The following ARHGEF18 variants were observed in gnomAD, a reference collection of about 807,000 sequenced individuals.
ARHGEF18 encodes rho guanine nucleotide exchange factor 18.
Under a neutral mutation model 155.7 loss-of-function variants are expected in ARHGEF18, and 93 were observed. That is an observed-to-expected ratio of 0.60 (90% confidence interval 0.50 to 0.71). The LOEUF (loss-of-function observed/expected upper bound fraction) is 0.71, where lower values mean the gene tolerates loss of function less well. ARHGEF18 is among the 30% of genes least tolerant of loss of function. The probability of loss-of-function intolerance (pLI) is 0.00; values close to 1 mark genes in which losing one functional copy is unlikely to be tolerated. For missense variants in ARHGEF18, 1,593 were observed against 1,816.1 expected, an observed-to-expected ratio of 0.88 and a Z score of 2.23; for synonymous variants, 742 against 753.1, an observed-to-expected ratio of 0.99 and a Z score of 0.24.
chr19:7,387,492 G>A lies in ARHGEF18; in HGVS notation c.967+4289G>A, dbSNP rs538935201. Among the ~76,000 whole-genome samples the A allele has an allele frequency of 7.9e-5, 12 of 152,122 alleles. No homozygotes were observed. The South Asian group carries it at 2.5e-3, about 32-fold the overall frequency. On this transcript the variant is annotated intron_variant, in intron 10 of 28. Coordinates refer to ENST00000668164, the MANE Select transcript of ARHGEF18 (RefSeq NM_001367823.1). The stretch of plus-strand genomic sequence containing the variant: ...TGAGTTTTTTTGTTTGTTTGCATAC[G>A]CTGAAAGCTAAGAATGGGGTGGGTT...
downstream of ARHGEF18, among the ~76,000 whole-genome samples, chr19:7,475,613 C>T (rs1977212401): frequency 6.6e-6 from 1 of 152,170 alleles, no homozygotes; most frequent in Non-Finnish European, 1.5e-5. Flanking sequence ...CTGGAAGCAT[C>T]CAACCTGTCT....
chr19:7,461,750 T>C (rs767196514), intron 20 of ARHGEF18, among the ~76,000 whole-genome samples: 58 of 152,172 alleles, frequency 3.8e-4, no homozygotes, highest in Non-Finnish European at 5.3e-4. Context: ...CATAGCTCAC[T>C]GCAGCCTTGA....
chr19:7,409,348 G>A (rs56278940), intron 10 of ARHGEF18, among the ~76,000 whole-genome samples: 85,289 of 131,002 alleles, frequency 0.65, 27,819 homozygotes, highest in Middle Eastern at 0.78. Flanking sequence ...AAAAAAAAAA[G>A]ACTTAATGGC....
At chr19:7,438,400 C>A (rs1041838346) in intron 10 of ARHGEF18, among the ~76,000 whole-genome samples, 1 of 142,816 alleles carries the variant, frequency 7.0e-6, no homozygotes, top group African/African-American at 2.7e-5. Flanking sequence ...CATGTCTGGC[C>A]CAGATTTCTT....
intron 2 of ARHGEF18, among the ~76,000 whole-genome samples, chr19:7,371,585 C>A (rs1291676895): frequency 1.3e-5 from 2 of 152,068 alleles, no homozygotes; most frequent in East Asian, 3.8e-4. Context: ...TCTTGGGAGG[C>A]CGAGGCAGTT....
At position 7,382,789 on chromosome 19, in the gene ARHGEF18, C is replaced by G. The variant is rs904452047; in HGVS notation, c.723-3C>G. On this transcript the variant is annotated splice_region_variant and splice_polypyrimidine_tract_variant and intron_variant, in intron 8 of 28. Coordinates refer to ENST00000668164, the MANE Select transcript of ARHGEF18 (RefSeq NM_001367823.1). Reference sequence around the variant, plus strand: ...CTAGTGGACCTTCCCTCTCGTCCCTCAGGAGCGAGGACGGTGCTGGCAAGA... The same window carrying G: ...CTAGTGGACCTTCCCTCTCGTCCCTGAGGAGCGAGGACGGTGCTGGCAAGA... 3.2e-6 allele frequency: 4 copies of G among 1,232,276 alleles called. No individual in the cohort carries two copies. The African/African-American group carries it at 6.2e-5, about 19-fold the overall frequency. The allele number at this position is 1,232,276 out of a possible 1,614,324, so 76.3% of individuals were successfully genotyped here. A position where few individuals can be genotyped will look rare whatever the true frequency, so the allele number is the denominator to read the frequency against.
At chr19:7,442,664 T>C (rs986949382) in intron 13 of ARHGEF18, among the ~76,000 whole-genome samples, 21 of 152,234 alleles carry the variant, frequency 1.4e-4, no homozygotes, top group Non-Finnish European at 3.1e-4. Flanking sequence ...GTCTGGCTTC[T>C]TCTTCCCTTG....
intron 10 of ARHGEF18, among the ~76,000 whole-genome samples, chr19:7,411,248 A>ATCTCTTCC (rs1972657106): frequency 3.0e-5 from 3 of 101,396 alleles, no homozygotes; most frequent in Non-Finnish European, 4.5e-5. Flanking sequence ...CCTTTCCCCT[A>ATCTCTTCC]CCTCTTCCCC....
At chr19:7,425,135 C>T (rs992767265) in intron 10 of ARHGEF18, among the ~76,000 whole-genome samples, 5 of 152,070 alleles carry the variant, frequency 3.3e-5, no homozygotes, top group Middle Eastern at 3.2e-3. Flanking sequence ...CACATTTGTA[C>T]TTTTTTAAGA....
chr19:7,365,342 G>A (rs546885645), intron 2 of ARHGEF18, among the ~76,000 whole-genome samples: 2 of 152,162 alleles, frequency 1.3e-5, no homozygotes, highest in East Asian at 1.9e-4. Flanking sequence ...CAAGAGAATC[G>A]CTTGAACCCA....
At chr19:7,452,417 C>T (rs1414120429) in intron 16 of ARHGEF18, among the ~76,000 whole-genome samples, 1 of 152,182 alleles carries the variant, frequency 6.6e-6, no homozygotes, top group Non-Finnish European at 1.5e-5. Context: ...GTGGGAAGAG[C>T]CAGATCCCAG....
chr19:7,374,399 G>A (rs776217207), intron 3 of ARHGEF18, among the ~76,000 whole-genome samples: 17 of 152,088 alleles, frequency 1.1e-4, no homozygotes, highest in Non-Finnish European at 2.1e-4. Flanking sequence ...ATGTGAGGCC[G>A]GGCGCGGTGG....
chr19:7,395,096 G>A lies in ARHGEF18; in HGVS notation c.967+11893G>A. On this transcript the variant is annotated intron_variant, in intron 10 of 28. Transcript: ENST00000668164. This position sits in a 1 kb window ranked among gnomAD's most constrained non-coding sequence, Gnocchi z 5.0. The stretch of plus-strand genomic sequence containing the variant: ...TCTGCCCCGCCTCCGAGGCGGGATC[G>A]CGCATGCGCTGCTCTCCTCGCGCGG... The A allele has an allele frequency of 1.0e-6, 1 of 985,462 alleles. No individual in the cohort carries two copies. The highest frequency in any genetic ancestry group is 1.2e-6 in the Non-Finnish European group (1 of 829,944). The allele number at this position is 985,462 out of a possible 1,614,324, so 61.0% of individuals were successfully genotyped here.
chr19:7,444,368 C>T lies in ARHGEF18; in HGVS notation c.1525C>T (p.Leu509Phe). The T allele has an allele frequency of 1.2e-6, 2 of 1,613,636 alleles. No individual in the cohort carries two copies. Among genetic ancestry groups the T allele is most frequent in the Non-Finnish European group, 1.7e-6 (2 of 1,180,032 alleles). The change falls in exon 14 of 29, where the codon CTC becomes TTC. Residue 509 changes from leucine (L) to phenylalanine (F), a missense_variant. By Grantham distance (22) the Leu-to-Phe change is conservative. Transcript: ENST00000668164. This position sits in a 1 kb window ranked among gnomAD's most constrained non-coding sequence, Gnocchi z 4.7. ...LETHSHFLAR[L>F]KERRQESLEE... ...GACGCACAGCCACTTCCTCGCTCGG[C>T]TCAAGGAGCGCCGCCAGGAGTCCCT...
At chr19:7,398,921 G>A (rs1971877733) in intron 10 of ARHGEF18, among the ~76,000 whole-genome samples, 1 of 152,196 alleles carries the variant, frequency 6.6e-6, no homozygotes. Flanking sequence ...GTGCCTCCCT[G>A]GGTGTTTACC....
intron 13 of ARHGEF18, among the ~76,000 whole-genome samples, chr19:7,443,093 C>T (rs189905471): frequency 1.7e-3 from 222 of 134,296 alleles, no homozygotes; most frequent in Non-Finnish European, 2.7e-3. Context: ...GATGGAGTCT[C>T]GCTCTGTCGC....
chr19:7,389,742 C>G (rs2145500397), intron 10 of ARHGEF18, among the ~76,000 whole-genome samples: 1 of 152,084 alleles, frequency 6.6e-6, no homozygotes, highest in Admixed American at 6.6e-5. Context: ...GCCGTGTTGG[C>G]CAGGCTGGTC....
downstream of ARHGEF18, chr19:7,473,147 A>G (rs1281890144): frequency 3.5e-5 from 16 of 456,286 alleles, no homozygotes; most frequent in South Asian, 1.9e-4. Context: ...CAGCTTGGCC[A>G]TGAGTATGAA....
intron 23 of ARHGEF18, among the ~76,000 whole-genome samples, chr19:7,466,516 A>G (rs1976618340): frequency 6.6e-6 from 1 of 151,258 alleles, no homozygotes; most frequent in Non-Finnish European, 1.5e-5. Context: ...AAAAAAAAAA[A>G]AAGAAGCCAG....
Sources: gnomAD v4.1 joint callset for allele counts (sites outside exome capture counted in the v4.1 genomes callset) on GRCh38, gnomAD v4.1.1 for gene constraint, Gnocchi (gnomAD v3.1) non-coding constraint, MANE v1.5 for transcripts, NCBI Gene and HGNC (gene_info 2026-07-23, HGNC 2026-07-21) for gene names.